HGF: variants seen among roughly 807,000 people sequenced by gnomAD.
HGF encodes the protein fibroblast-derived tumor cytotoxic factor.
Under a neutral mutation model 111.6 loss-of-function variants are expected in HGF, and 39 were observed. The observed-to-expected ratio is 0.35, with a 90% CI of 0.27 to 0.46. The LOEUF (loss-of-function observed/expected upper bound fraction) is 0.46, where lower values mean the gene tolerates loss of function less well. HGF is among the 20% of genes least tolerant of loss of function. HGF has a pLI of 1.00. For missense variants in HGF, 735 were observed against 910.5 expected (o/e 0.81, Z 2.48); for synonymous variants, 285 against 294.8 (o/e 0.97, Z 0.34).
At chr7:81,721,047 C>A (rs1029540634) in intron 9 of HGF, among the ~76,000 whole-genome samples, 200 bp from the exon 10 acceptor site, 1 of 152,180 alleles carries the variant, frequency 6.6e-6, no homozygotes, top group African/African-American at 2.4e-5. Flanking sequence ...AGATCGAGAC[C>A]ATCCTGGCTA....
chr7:81,749,210 A>G (rs1220533962), intron 5 of HGF, among the ~76,000 whole-genome samples: 1 of 152,134 alleles, frequency 6.6e-6, no homozygotes, highest in Non-Finnish European at 1.5e-5. Context: ...TTATGTCAGT[A>G]TTATGTGGGA....
intron 1 of HGF, among the ~76,000 whole-genome samples, chr7:81,767,933 A>G (rs1789445978): frequency 1.3e-5 from 2 of 152,214 alleles, no homozygotes; most frequent in African/African-American, 2.4e-5. Flanking sequence ...TTATTAAAAA[A>G]AACTATCAAA....
At chr7:81,760,513 G>A (rs185636109) in intron 2 of HGF, among the ~76,000 whole-genome samples, 4 of 152,002 alleles carry the variant, frequency 2.6e-5, no homozygotes, top group South Asian at 2.1e-4. Context: ...AGTGGTTTAC[G>A]GTATTTTTCA....
intron 5 of HGF, 105 bp from the exon 6 acceptor site, chr7:81,745,225 A>G: frequency 1.7e-6 from 2 of 1,182,216 alleles, no homozygotes; most frequent in Non-Finnish European, 2.5e-6. Context: ...AGATTTTTAA[A>G]AAATCCTACA....
At chr7:81,705,811 A>T in intron 15 of HGF, 58 bp from the exon 16 acceptor site, 1 of 1,005,798 alleles carries the variant, frequency 9.9e-7, no homozygotes, top group Non-Finnish European at 1.6e-6. Context: ...CAAAATTAAC[A>T]TATTAAATGT....
intron 5 of HGF, chr7:81,751,160 T>A (rs1020610811): frequency 3.2e-5 from 29 of 911,186 alleles, no homozygotes; most frequent in Non-Finnish European, 3.5e-5. Flanking sequence ...GAAATATTTT[T>A]AAAAATATTT....
At chr7:81,765,158 T>C (rs1789295650) in intron 1 of HGF, among the ~76,000 whole-genome samples, 1 of 152,046 alleles carries the variant, frequency 6.6e-6, no homozygotes, top group African/African-American at 2.4e-5. Flanking sequence ...ATATTAAATG[T>C]GTAATGTATT....
chr7:81,762,535 C>T (rs757838562), intron 2 of HGF, among the ~76,000 whole-genome samples, 172 bp downstream of exon 2: 1 of 152,172 alleles, frequency 6.6e-6, no homozygotes, highest in Non-Finnish European at 1.5e-5. Context: ...CTTACTCAAG[C>T]TATGTTTCCA....
rs1467541182 is a variant in HGF at position 81,762,749 on chromosome 7, G to A, written c.212C>T (p.Ala71Val). Residue 71 changes from alanine (A) to valine (V), a missense_variant, in exon 2 of 18, where the codon GCT (alanine) becomes GTT (valine). Around this residue, in one of 3 missense-constraint regions of HGF, gnomAD observed 553 missense variants for 685.6 expected, o/e 0.81. Coordinates refer to ENST00000222390, the MANE Select transcript of HGF (RefSeq NM_000601.6). ...TKKVNTADQC[A>V]NRCTRNKGLP... is the part of the protein sequence containing the mutation. ...TCCTTTATTCCTAGTACATCTATTAGCACATTGGTCTGCAGTATTCACTTT... is the reference window on the plus strand; with the variant it reads ...TCCTTTATTCCTAGTACATCTATTAACACATTGGTCTGCAGTATTCACTTT... 3.1e-6 allele frequency: 5 copies of A among 1,612,460 alleles called. No individual in the cohort carries two copies. Among genetic ancestry groups the A allele is most frequent in the Admixed American group, 3.3e-5 (2 of 60,000 alleles).
At chr7:81,719,344 T>G (rs2115860787) in intron 10 of HGF, among the ~76,000 whole-genome samples, 1 of 152,240 alleles carries the variant, frequency 6.6e-6, no homozygotes. Context: ...GCATTCCCTG[T>G]TTGCTTGCAT....
At position 81,758,726 on chromosome 7, in the gene HGF, T is replaced by C. The variant is rs5745635; in HGVS notation, c.333A>G (p.Glu111=). ...CATAGAGGTCAAATTCATGGCCAAA[T>C]TCTTTTTTCACTCCACTTGACATGC... The part of the protein sequence containing the change: ...FNSMSSGVKK[E]FGHEFDLYEN... The change falls in exon 3 of 18, where the codon GAA becomes GAG. Residue 111 remains glutamate, a synonymous_variant. Transcript: ENST00000222390. 42,299 of 1,612,428 alleles carry C rather than the reference T, an allele frequency of 0.026. 3,789 individuals carry two copies. In the African/African-American group the frequency reaches 0.3, roughly 11 times the overall value.
chr7:81,708,733 A>G, intron 13 of HGF, among the ~76,000 whole-genome samples: 1 of 150,810 alleles, frequency 6.6e-6, no homozygotes, highest in Admixed American at 6.6e-5. Context: ...GTGAGCCACC[A>G]CACCCAGCCT....
chr7:81,716,031 G>A (rs1789703250), intron 11 of HGF, among the ~76,000 whole-genome samples: 1 of 152,126 alleles, frequency 6.6e-6, no homozygotes, highest in African/African-American at 2.4e-5. Flanking sequence ...TACTGACACA[G>A]CTTTATAAAA....
At chr7:81,707,909 C>T (rs1391518309) in intron 13 of HGF, among the ~76,000 whole-genome samples, 1 of 151,840 alleles carries the variant, frequency 6.6e-6, no homozygotes, top group East Asian at 1.9e-4. Flanking sequence ...TTACTTTGTC[C>T]AGTATAAGAT....
intron 1 of HGF, among the ~76,000 whole-genome samples, chr7:81,769,298 G>A (rs1041563935): frequency 6.6e-6 from 1 of 152,118 alleles, no homozygotes; most frequent in Non-Finnish European, 1.5e-5. Flanking sequence ...GTTTCAAAGG[G>A]CAGGCATCCG....
chr7:81,725,416 G>C (rs1367458839), intron 9 of HGF, among the ~76,000 whole-genome samples: 2 of 152,088 alleles, frequency 1.3e-5, no homozygotes, highest in South Asian at 2.1e-4. Context: ...GGCACATGCT[G>C]CTCCCTCACT....
rs567516256 is a variant in HGF at position 81,729,235 on chromosome 7, C to A, written c.1040+370G>T. The stretch of plus-strand genomic sequence containing the variant: ...ATGTGTAATCCTCCCAAAGCTAATA[C>A]GAAAATTTAAGAAGGCAGTATTTTG... On this transcript the variant is annotated intron_variant, in intron 8 of 17. Coordinates refer to ENST00000222390, the MANE Select transcript of HGF (RefSeq NM_000601.6). Among the ~76,000 whole-genome samples, 9 of 10,756 alleles carry A rather than the reference C, an allele frequency of 8.4e-4. 4 individuals are homozygous for A. The East Asian group carries it at 0.06, about 72-fold the overall frequency. The allele number at this position is 10,756 out of a possible 152,430, so 7.1% of individuals were successfully genotyped here.
chr7:81,714,240 C>T (rs1789652646), intron 11 of HGF, among the ~76,000 whole-genome samples: 1 of 151,892 alleles, frequency 6.6e-6, no homozygotes, highest in South Asian at 2.1e-4. Flanking sequence ...AAATGTCTCC[C>T]TTCTATACTA....
At position 81,721,257 on chromosome 7, in the gene HGF, G is replaced by GAA. The variant is rs148152282; in HGVS notation, c.1169-412_1169-411dup. ...GCGAGACTCCGTCTCAAAACAAAAA[G>GAA]AAAAAAAAAATTAAAGTACTTGAAA... On this transcript the variant is annotated intron_variant, in intron 9 of 17. Transcript: ENST00000222390. Among the ~76,000 whole-genome samples, 966 of 146,398 alleles carry GAA rather than the reference G, an allele frequency of 6.6e-3. 10 individuals are homozygous for GAA. The highest frequency in any genetic ancestry group is 0.023 in the African/African-American group (919 of 40,622).
Sources: allele counts gnomAD v4.1 joint callset (sites outside exome capture counted in the v4.1 genomes callset), GRCh38; gene constraint gnomAD v4.1.1; regional missense constraint gnomAD v4.1.1; transcripts MANE v1.5; gene names NCBI Gene and HGNC (gene_info 2026-07-23, HGNC 2026-07-21).